The following CYP2R1 variants were observed in gnomAD, a reference collection of about 807,000 sequenced individuals.
CYP2R1 encodes cytochrome P450 family 2 subfamily R member 1.
CYP2R1 carries 40 observed loss-of-function variants against 45.7 expected under a neutral mutation model. The observed-to-expected ratio is 0.87, with a 90% confidence interval of 0.68 to 1.14. The LOEUF is 1.14. Among genes scored for constraint, CYP2R1 ranks in the 50% most tolerant of loss-of-function variants. The pLI is 0.00. For synonymous variants in CYP2R1, 234 were observed against 219.3 expected, an observed-to-expected ratio of 1.07 and a Z score of -0.59; for missense variants, 605 against 602.6, an observed-to-expected ratio of 1.00 and a Z score of -0.04.
intron 2 of CYP2R1, among the ~76,000 whole-genome samples, chr11:14,883,737 G>A (rs1286201991): frequency 6.6e-6 from 1 of 152,024 alleles, no homozygotes; most frequent in African/African-American, 2.4e-5. Flanking sequence ...TACCATCAGA[G>A]TGAACAGGCA....
At chr11:14,891,116 GGA>G (rs782690625) in intron 1 of CYP2R1, 86 of 985,294 alleles carry the variant, frequency 8.7e-5, no homozygotes, top group Non-Finnish European at 1.0e-4. Flanking sequence ...CAGGACCCGT[GGA>G]AACTCCTGCC....
rs782788158 is a variant in CYP2R1, at chr11:14,892,225, G to C, written c.-20C>G. On this transcript the variant is annotated 5_prime_UTR_variant, in exon 1 of 5. Coordinates refer to ENST00000334636, the MANE Select transcript of CYP2R1 (RefSeq NM_024514.5). The stretch of plus-strand genomic sequence containing the variant: ...CCACATCGGCCCGAGCTGGAGGTGC[G>C]AACTCCACAGCAGCCCTGAGACCCA... 37 of 1,602,856 alleles carry C rather than the reference G, an allele frequency of 2.3e-5. No individual in the cohort carries two copies. Among genetic ancestry groups the C allele is most frequent in the Non-Finnish European group, 2.9e-5 (34 of 1,176,388 alleles).
chr11:14,887,110 A>G (rs1484502239), intron 1 of CYP2R1: 1 of 152,284 alleles, frequency 6.6e-6, no homozygotes, highest in East Asian at 1.9e-4. Context: ...CAATGCAGTA[A>G]TGTAGTCCTA....
rs1848206177 is a variant in CYP2R1 at position 14,877,536 on chromosome 11, G to A, written c.*586C>T. On this transcript the variant is annotated 3_prime_UTR_variant, in exon 5 of 5. Transcript: ENST00000334636. The stretch of plus-strand genomic sequence containing the variant: ...TCACACAGACCCTCATTTATAAGAA[G>A]AATGACACAGTTCTTATGAAGACAG... 1 of 152,194 alleles carries A rather than the reference G, an allele frequency of 6.6e-6. No homozygotes were observed. Among genetic ancestry groups the A allele is most frequent in the Non-Finnish European group, 1.5e-5 (1 of 68,078 alleles). The allele number at this position is 152,194 out of a possible 1,614,324, so 9.4% of individuals were successfully genotyped here.
Position 14,892,146 on chromosome 11 carries a change from C to G in CYP2R1, c.60G>C (p.Leu20=), listed in dbSNP as rs781892922. 7 of 1,611,266 alleles carry G rather than the reference C, an allele frequency of 4.3e-6. No individual in the cohort carries two copies. The highest frequency in any genetic ancestry group is 5.9e-6 in the Non-Finnish European group (7 of 1,179,736). The part of the protein sequence containing the change: ...GAAALGGALF[L]LLFALGVRQL... ...GGCGGACCCCTAGCGCGAAGAGCAG[C>G]AGGAAGAGCGCGCCGCCGAGCGCCG... The change falls in exon 1 of 5, where the codon CTG becomes CTC. Residue 20 remains leucine, a synonymous_variant. Coordinates refer to ENST00000334636, the MANE Select transcript of CYP2R1 (RefSeq NM_024514.5).
At position 14,879,251 on chromosome 11, in the gene CYP2R1, G is replaced by A; in HGVS notation, c.1193C>T (p.Thr398Ile). 4 of 1,613,192 alleles carry A rather than the reference G, an allele frequency of 2.5e-6. No homozygotes were observed. Among genetic ancestry groups the A allele is most frequent in the Non-Finnish European group, 3.4e-6 (4 of 1,179,498 alleles). ...AGAATAAAGATTTGTAATTACTGTT[G>A]TGCCTTTAGGAATGGAATAACCACG... ...VVRGYSIPKGTTVITNLYSVH... is the reference protein window; with the variant it reads ...VVRGYSIPKGITVITNLYSVH... The change falls in exon 4 of 5, where the codon ACA (threonine) becomes ATA (isoleucine). Residue 398 changes from threonine to isoleucine, a missense_variant. Thr to Ile is a moderately conservative substitution (Grantham distance 89, BLOSUM62 -1). Transcript: ENST00000334636.
intron 2 of CYP2R1, among the ~76,000 whole-genome samples, chr11:14,881,392 A>G (rs1309228929): frequency 6.6e-6 from 1 of 152,142 alleles, no homozygotes; most frequent in Non-Finnish European, 1.5e-5. Context: ...TCCACAATGT[A>G]TCTGCTGTTT....
At chr11:14,891,360 T>C (rs539744364) in intron 1 of CYP2R1, 3 of 985,482 alleles carry the variant, frequency 3.0e-6, no homozygotes, top group Non-Finnish European at 3.6e-6. Context: ...CAGAACGGCA[T>C]TACCATCTGC....
upstream of CYP2R1, chr11:14,892,239 C>T (rs1555017512): frequency 2.5e-6 from 4 of 1,590,130 alleles, no homozygotes; most frequent in Admixed American, 1.7e-5. Context: ...TCCACAGCAG[C>T]CCTGAGACCC....
chr11:14,886,363 C>T (rs1299235344), intron 1 of CYP2R1: 2 of 172,144 alleles, frequency 1.2e-5, no homozygotes, highest in African/African-American at 4.8e-5. Context: ...ATGAATGAGG[C>T]TAGTGAGGGA....
chr11:14,883,831 T>G (rs1464053571), intron 2 of CYP2R1, among the ~76,000 whole-genome samples: 1 of 151,934 alleles, frequency 6.6e-6, no homozygotes, highest in Non-Finnish European at 1.5e-5. Flanking sequence ...CTCAAACAAA[T>G]TTACAAGAAA....
In CYP2R1 at chr11:14,877,535, A is replaced by T. The variant is rs1236365318; in HGVS notation, c.*587T>A. 1 of 152,256 alleles carries T rather than the reference A, an allele frequency of 6.6e-6. No homozygotes were observed. The highest frequency in any genetic ancestry group is 1.5e-5 in the Non-Finnish European group (1 of 68,082). The allele number at this position is 152,256 out of a possible 1,614,324, so 9.4% of individuals were successfully genotyped here. A position where few individuals can be genotyped will look rare whatever the true frequency, so the allele number is the denominator to read the frequency against. Reference sequence around the variant, plus strand: ...GTCACACAGACCCTCATTTATAAGAAGAATGACACAGTTCTTATGAAGACA... The same window carrying T: ...GTCACACAGACCCTCATTTATAAGATGAATGACACAGTTCTTATGAAGACA... On this transcript the variant is annotated 3_prime_UTR_variant, in exon 5 of 5. Transcript: ENST00000334636.
At chr11:14,881,103 A>G (rs1848367170) in intron 2 of CYP2R1, among the ~76,000 whole-genome samples, 1 of 152,120 alleles carries the variant, frequency 6.6e-6, no homozygotes, top group African/African-American at 2.4e-5. Context: ...AAGACAAATG[A>G]CCACATGTTC....
chr11:14,883,935 C>T (rs1555013335), intron 2 of CYP2R1, among the ~76,000 whole-genome samples: 1 of 152,056 alleles, frequency 6.6e-6, no homozygotes, highest in East Asian at 2.0e-4. Context: ...AAAAAATGCT[C>T]ACCATCACTG....
At position 14,879,118 on chromosome 11, in the gene CYP2R1, G is replaced by A; in HGVS notation, c.1326C>T (p.Ser442=). 1 of 1,612,536 alleles carries A rather than the reference G, an allele frequency of 6.2e-7. No individual in the cohort carries two copies. The highest frequency in any genetic ancestry group is 8.5e-7 in the Non-Finnish European group (1 of 1,179,078). Residue 442 remains serine, a synonymous_variant, in exon 4 of 5, where the codon TCC becomes TCT. Transcript: ENST00000334636. Reference sequence around the variant, plus strand: ...GCCCCGTGAAAGTTCTCTTACCTAGGGAAAAAGGAACCAAAGCTTCCTTCT... The same window carrying A: ...GCCCCGTGAAAGTTCTCTTACCTAGAGAAAAAGGAACCAAAGCTTCCTTCT... ...FAKKEALVPF[S]LGRRHCLGEH... is the part of the protein sequence containing the mutation.
At chr11:14,881,722 T>C (rs1225640094) in intron 2 of CYP2R1, among the ~76,000 whole-genome samples, 1 of 152,118 alleles carries the variant, frequency 6.6e-6, no homozygotes, top group Non-Finnish European at 1.5e-5. Context: ...CTACCACTCT[T>C]GCCATATGAC....
chr11:14,884,225 T>A (rs1555013501), intron 2 of CYP2R1, among the ~76,000 whole-genome samples: 1 of 151,940 alleles, frequency 6.6e-6, no homozygotes, highest in African/African-American at 2.4e-5. Flanking sequence ...TAAAGACACA[T>A]GCACACATAT....
At chr11:14,890,840 G>T (rs1025071036) in intron 1 of CYP2R1, 2 of 984,568 alleles carry the variant, frequency 2.0e-6, no homozygotes, top group East Asian at 1.1e-4. Context: ...GAGCCACCGC[G>T]CCCGGGCACC....
chr11:14,880,843 T>G (rs1186999197), intron 2 of CYP2R1, 75 bp from the exon 3 acceptor site: 1 of 1,408,954 alleles, frequency 7.1e-7, no homozygotes, highest in African/African-American at 1.5e-5. Flanking sequence ...CAAAATTTTT[T>G]TAATGGATGG....
Sources: gnomAD v4.1 joint callset for allele counts (sites outside exome capture counted in the v4.1 genomes callset) on GRCh38, gnomAD v4.1.1 for gene constraint, MANE v1.5 for transcripts, NCBI Gene and HGNC (gene_info 2026-07-23, HGNC 2026-07-21) for gene names.